OSTM1: variants seen among roughly 807,000 people sequenced by gnomAD.
OSTM1 encodes the protein osteoclastogenesis associated transmembrane protein 1.
In OSTM1, 26 loss-of-function variants were observed where a neutral mutation model predicts 35.4. The ratio of observed to expected loss-of-function variants is 0.73; its 90% CI spans 0.54 to 1.02. The LOEUF is 1.02. Among genes scored for constraint, OSTM1 ranks in the 50% least tolerant of loss-of-function variants. OSTM1 has a pLI of 0.00. For missense variants in OSTM1, 366 were observed against 409.6 expected (o/e 0.89, Z 0.92); for synonymous variants, 181 against 165.0 (o/e 1.10, Z -0.75).
At chr6:108,073,099 C>G (rs551346985) in intron 1 of OSTM1, among the ~76,000 whole-genome samples, 12 of 152,286 alleles carry the variant, frequency 7.9e-5, no homozygotes, top group Middle Eastern at 3.4e-3. Context: ...CATGAGCCAC[C>G]GCACACAGCC....
At chr6:108,054,430 C>A in intron 3 of OSTM1, 60 bp downstream of exon 3, 2 of 758,536 alleles carry the variant, frequency 2.6e-6, no homozygotes, top group Non-Finnish European at 4.4e-6. Flanking sequence ...AAACTTGGAA[C>A]TGCACATTAT....
intron 2 of OSTM1, 79 bp downstream of exon 2, chr6:108,064,106 C>T: frequency 6.3e-6 from 5 of 794,516 alleles, no homozygotes; most frequent in South Asian, 1.4e-5. Flanking sequence ...CTTCAAAGAT[C>T]CCAAAATTCA....
chr6:108,069,125 G>A (rs1772436560), intron 1 of OSTM1, among the ~76,000 whole-genome samples: 1 of 152,190 alleles, frequency 6.6e-6, no homozygotes, highest in African/African-American at 2.4e-5. Context: ...TGCATTGGTA[G>A]CATCTGGGTT....
chr6:108,051,255 TTAATG>T, intron 3 of OSTM1, 57 bp from the exon 4 acceptor site: 2 of 1,277,172 alleles, frequency 1.6e-6, no homozygotes, highest in Non-Finnish European at 2.2e-6. Context: ...CAATATCTCT[TTAATG>T]TAAGCTATTT....
intron 2 of OSTM1, among the ~76,000 whole-genome samples, chr6:108,060,156 G>C (rs573047903): frequency 4.7e-4 from 71 of 152,112 alleles, no homozygotes; most frequent in African/African-American, 1.6e-3. Flanking sequence ...TCTTTTACCT[G>C]AGACCATATG....
chr6:108,063,749 A>G (rs939823825), intron 2 of OSTM1, among the ~76,000 whole-genome samples: 9 of 152,232 alleles, frequency 5.9e-5, no homozygotes, highest in Admixed American at 1.3e-4. Context: ...TAAACAGTTA[A>G]CATTTCTTGA....
chr6:108,044,145 AT>A lies in OSTM1; in HGVS notation c.*639del, dbSNP rs1359659201. Reference sequence around the variant, plus strand: ...AGGCAAAAATAAGATGTAAAATACTATTTATAAAAGTCAAGTAAGAAACCAG... The same window carrying A: ...AGGCAAAAATAAGATGTAAAATACTATTATAAAAGTCAAGTAAGAAACCAG... On this transcript the variant is annotated 3_prime_UTR_variant, in exon 6 of 6. Coordinates refer to ENST00000193322, the MANE Select transcript of OSTM1 (RefSeq NM_014028.4). 1.3e-5 allele frequency: 2 copies of A among 152,638 alleles called. No homozygotes were observed. Among genetic ancestry groups the A allele is most frequent in the African/African-American group, 4.8e-5 (2 of 41,466 alleles). 9.5% of individuals were successfully genotyped at this position (152,638 alleles called of 1,614,324 possible).
intron 2 of OSTM1, among the ~76,000 whole-genome samples, chr6:108,060,382 GA>G (rs1772252275): frequency 6.6e-6 from 1 of 151,986 alleles, no homozygotes; most frequent in Non-Finnish European, 1.5e-5. Flanking sequence ...ACTAACTGGG[GA>G]AAAAAGGTCT....
chr6:108,071,539 C>A (rs1484401487), intron 1 of OSTM1, among the ~76,000 whole-genome samples: 1 of 149,154 alleles, frequency 6.7e-6, no homozygotes, highest in African/African-American at 2.5e-5. Context: ...TCTCGAACTC[C>A]TGGCCTCAGG....
At position 108,074,726 on chromosome 6, in the gene OSTM1, T is replaced by G; in HGVS notation, c.-75A>C. On this transcript the variant is annotated 5_prime_UTR_variant, in exon 1 of 6. Transcript: ENST00000193322. ...GCCGGCACCGCGGACAGCCGCCGCT[T>G]CCGGTTTCCGCGAGCGCAGGCCGAG... 7.1e-7 allele frequency: 1 copy of G among 1,407,262 alleles called. No homozygotes were observed. Among genetic ancestry groups the G allele is most frequent in the African/African-American group, 1.5e-5 (1 of 66,070 alleles). 87.2% of individuals were successfully genotyped at this position (1,407,262 alleles called of 1,614,324 possible). A position where few individuals can be genotyped will look rare whatever the true frequency, so the allele number is the denominator to read the frequency against.
chr6:108,049,285 T>C lies in OSTM1; in HGVS notation c.917A>G (p.His306Arg). The C allele has an allele frequency of 6.2e-7, 1 of 1,612,910 alleles. No individual in the cohort carries two copies. Among genetic ancestry groups the C allele is most frequent in the South Asian group, 1.1e-5 (1 of 90,996 alleles). Residue 306 changes from histidine to arginine, a missense_variant, in exon 5 of 6, where the codon CAC becomes CGC. This residue lies in a region of OSTM1 where 125 missense variants were observed against 151.7 expected (regional missense o/e 0.82). Transcript: ENST00000193322. Reference protein sequence around the residue: ...PVVFYLSSFLHSEQKKRKLIL... With the variant: ...PVVFYLSSFLRSEQKKRKLIL... ...GAGTTTGCGTTTCTTTTGCTCTGAGTGAAGAAAGCTACTAAGGTAGAAGAC... is the reference window on the plus strand; with the variant it reads ...GAGTTTGCGTTTCTTTTGCTCTGAGCGAAGAAAGCTACTAAGGTAGAAGAC...
intron 5 of OSTM1, among the ~76,000 whole-genome samples, chr6:108,047,014 A>C (rs1292340261): frequency 2.0e-5 from 3 of 152,220 alleles, no homozygotes. Flanking sequence ...GGTGAATTTC[A>C]ACACCTCTAA....
rs538661360 is a variant in OSTM1, at chr6:108,053,969, A to G, written c.615+521T>C. 2.0e-5 allele frequency among the ~76,000 whole-genome samples: 3 copies of G among 152,354 alleles called. No homozygotes were observed. In the East Asian group the frequency reaches 5.8e-4, roughly 29 times the overall value. ...GGGCAAGTTCCAATACCAAAATTCA[A>G]GAGTCAGAGATAGAGATGGCAATAA... On this transcript the variant is annotated intron_variant, in intron 3 of 5. Coordinates refer to ENST00000193322, the MANE Select transcript of OSTM1 (RefSeq NM_014028.4).
At chr6:108,065,529 T>C (rs922990535) in intron 1 of OSTM1, among the ~76,000 whole-genome samples, 1 of 152,136 alleles carries the variant, frequency 6.6e-6, no homozygotes, top group Middle Eastern at 3.2e-3. Flanking sequence ...TGAGCCACCA[T>C]GCCTGGCCTA....
chr6:108,072,883 G>A (rs1054289185), intron 1 of OSTM1, among the ~76,000 whole-genome samples: 10 of 151,936 alleles, frequency 6.6e-5, no homozygotes, highest in African/African-American at 1.5e-4. Flanking sequence ...TCAGCTTCCC[G>A]AGTAGCTGGA....
At chr6:108,054,340 C>A in intron 3 of OSTM1, 150 bp downstream of exon 3, 1 of 428,010 alleles carries the variant, frequency 2.3e-6, no homozygotes, top group Non-Finnish European at 4.1e-6. Flanking sequence ...AGTAGAAGAA[C>A]TTACTTAAGA....
In OSTM1 at chr6:108,051,079, C is replaced by T; in HGVS notation, c.735G>A (p.Glu245=). 1.2e-6 allele frequency: 2 copies of T among 1,613,848 alleles called. No homozygotes were observed. Among genetic ancestry groups the T allele is most frequent in the Non-Finnish European group, 1.7e-6 (2 of 1,179,848 alleles). ...YSEMQKMNEL[E]NKAEPGTHLC... ...AATGTGTTCCAGGTTCAGCCTTATT[C>T]TCAAGTTCATTCATTTTTTGCATTT... Residue 245 remains glutamate (E), a synonymous_variant, in exon 4 of 6, where the codon GAG becomes GAA. Coordinates refer to ENST00000193322, the MANE Select transcript of OSTM1 (RefSeq NM_014028.4).
At chr6:108,067,807 T>C (rs9320253) in intron 1 of OSTM1, among the ~76,000 whole-genome samples, 45,129 of 142,694 alleles carry the variant, frequency 0.32, 7,537 homozygotes, top group Admixed American at 0.46. Flanking sequence ...TCCAGCTTGG[T>C]TGACAGAGCG....
intron 5 of OSTM1, among the ~76,000 whole-genome samples, chr6:108,047,622 G>A (rs1232693115): frequency 6.6e-6 from 1 of 152,210 alleles, no homozygotes; most frequent in Admixed American, 6.5e-5. Flanking sequence ...ACAGATAAGA[G>A]ATGAAGATGG....
Sources: allele counts gnomAD v4.1 joint callset (sites outside exome capture counted in the v4.1 genomes callset), GRCh38; gene constraint gnomAD v4.1.1; regional missense constraint gnomAD v4.1.1; transcripts MANE v1.5; gene names NCBI Gene and HGNC (gene_info 2026-07-23, HGNC 2026-07-21).